ABHD14B: variants seen among roughly 807,000 people sequenced by gnomAD.
ABHD14B encodes the protein putative protein-lysine deacylase ABHD14B.
Under a neutral mutation model 15.4 loss-of-function variants are expected in ABHD14B, and 19 were observed. The ratio of observed to expected loss-of-function variants is 1.23; its 90% confidence interval spans 0.86 to 1.81. ABHD14B has a LOEUF of 1.81. ABHD14B is among the 40% of genes most tolerant of loss of function. The pLI is 0.00. For missense variants in ABHD14B, 243 were observed against 267.0 expected, an observed-to-expected ratio of 0.91 and a Z score of 0.63; for synonymous variants, 92 against 117.3, an observed-to-expected ratio of 0.78 and a Z score of 1.39.
intron 2 of ABHD14B, chr3:51,970,744 C>A: frequency 2.2e-6 from 1 of 456,842 alleles, no homozygotes; most frequent in Non-Finnish European, 4.4e-6. Context: ...GCCAACCCAC[C>A]ATTGGAATCA....
At chr3:51,970,852 C>T (rs1300984397) in intron 2 of ABHD14B, 4 of 454,812 alleles carry the variant, frequency 8.8e-6, no homozygotes, top group African/African-American at 8.0e-5. Flanking sequence ...TCACACCTGG[C>T]ACCGAGGGTT....
At chr3:51,971,393 T>C (rs1700650507) in intron 2 of ABHD14B, 67 bp downstream of exon 2, 1 of 1,441,752 alleles carries the variant, frequency 6.9e-7, no homozygotes, top group East Asian at 2.4e-5. Flanking sequence ...CTACATGTTA[T>C]AGGAACCTGG....
Position 51,970,085 on chromosome 3 carries a change from G to C in ABHD14B, c.311C>G (p.Pro104Arg), listed in dbSNP as rs751507728. The change falls in exon 3 of 4, where the codon CCC (proline) becomes CGC (arginine). Residue 104 changes from proline (P) to arginine (R), a missense_variant. Transcript: ENST00000361143. ...CAGTGATGGACTGATCACAACCGGG[G>C]GGCCCAGCTCCAAGGCATCCACCAC... ...AAVVDALELG[P>R]PVVISPSLSG... The C allele has an allele frequency of 6.2e-7, 1 of 1,606,154 alleles. No homozygotes were observed.
At chr3:51,971,222 C>T in intron 2 of ABHD14B, 1 of 507,246 alleles carries the variant, frequency 2.0e-6, no homozygotes, top group South Asian at 2.8e-5. Context: ...TGAGACAATG[C>T]CCAGGTAACA....
At chr3:51,970,331 A>C in intron 2 of ABHD14B, 147 bp from the exon 3 acceptor site, 1 of 1,061,886 alleles carries the variant, frequency 9.4e-7, no homozygotes, top group South Asian at 1.7e-5. Context: ...GTTTATTCCT[A>C]CAGTAGCCTC....
chr3:51,970,736 C>T (rs576519815), intron 2 of ABHD14B: 1 of 456,846 alleles, frequency 2.2e-6, no homozygotes, highest in East Asian at 6.9e-5. Context: ...AAGCTCAAGC[C>T]AACCCACCAT....
Position 51,971,627 on chromosome 3 carries a change from T to C in ABHD14B, c.44A>G (p.Gln15Arg). 2 of 1,612,938 alleles carry C rather than the reference T, an allele frequency of 1.2e-6. No homozygotes were observed. The highest frequency in any genetic ancestry group is 1.7e-5 in the Admixed American group (1 of 59,990). ...VEQREGTIQV[Q>R]GQALFFREAL... Reference sequence around the variant, plus strand: ...CTCTCGGAAGAAGAGGGCCTGGCCCTGCACCTGGATGGTGCCCTCGCGCTG... The same window carrying C: ...CTCTCGGAAGAAGAGGGCCTGGCCCCGCACCTGGATGGTGCCCTCGCGCTG... The change falls in exon 2 of 4, where the codon CAG becomes CGG. Residue 15 changes from glutamine to arginine, a missense_variant. Physicochemically the swap from Gln to Arg is conservative, Grantham distance 43. Coordinates refer to ENST00000361143, the MANE Select transcript of ABHD14B (RefSeq NM_001146314.2).
chr3:51,971,223 C>T (rs938678408), intron 2 of ABHD14B: 1 of 508,842 alleles, frequency 2.0e-6, no homozygotes, highest in African/African-American at 1.9e-5. Context: ...GAGACAATGC[C>T]CAGGTAACAG....
chr3:51,970,081 C>CG lies in ABHD14B; in HGVS notation c.314dup (p.Val106GlyfsTer35), dbSNP rs373373105. 14,482 of 1,606,418 alleles carry CG rather than the reference C, an allele frequency of 9.0e-3. 72 individuals carry two copies. Among genetic ancestry groups the CG allele is most frequent in the Non-Finnish European group, 0.011 (12,904 of 1,175,334 alleles). ...CACTCAGTGATGGACTGATCACAAC[C>CG]GGGGGGCCCAGCTCCAAGGCATCCA... is the stretch of plus-strand genomic sequence containing the variant. On this transcript the variant is annotated frameshift_variant, in exon 3 of 4. Transcript: ENST00000361143. LOFTEE classifies it high-confidence loss of function.
intron 1 of ABHD14B, among the ~76,000 whole-genome samples, chr3:51,972,638 G>A (rs1559772325): frequency 6.6e-6 from 1 of 152,098 alleles, no homozygotes. Context: ...ATATGTGGTG[G>A]GGCTCCATTA....
At chr3:51,969,782 T>C in intron 3 of ABHD14B, 161 bp downstream of exon 3, 2 of 1,448,506 alleles carry the variant, frequency 1.4e-6, no homozygotes, top group Non-Finnish European at 1.9e-6. Context: ...AGCACAGGGC[T>C]TGGCACAGTA....
chr3:51,970,915 C>T (rs1700641055), intron 2 of ABHD14B: 2 of 443,398 alleles, frequency 4.5e-6, no homozygotes, highest in East Asian at 7.0e-5. Context: ...ATCCCATCTA[C>T]CCTAGAACCC....
intron 2 of ABHD14B, chr3:51,970,925 C>T: frequency 2.3e-6 from 1 of 430,202 alleles, no homozygotes. Flanking sequence ...CCCTAGAACC[C>T]AGCTCAGGGC....
chr3:51,969,939 G>C lies in ABHD14B; in HGVS notation c.453+4C>G. ...GGGCACCTCAGCTTCCCACACAAGG[G>C]TACCTTCACACTGGCATAGTTGGCA... On this transcript the variant is annotated splice_donor_region_variant and intron_variant, in intron 3 of 3. Transcript: ENST00000361143. 1 of 1,614,176 alleles carries C rather than the reference G, an allele frequency of 6.2e-7. No homozygotes were observed. Among genetic ancestry groups the C allele is most frequent in the Non-Finnish European group, 8.5e-7 (1 of 1,180,022 alleles).
intron 2 of ABHD14B, chr3:51,970,688 G>A (rs1700637474): frequency 2.2e-6 from 1 of 457,206 alleles, no homozygotes; most frequent in Admixed American, 2.3e-5. Flanking sequence ...CAGTCATTCA[G>A]GCTTCACCAA....
At chr3:51,970,800 C>G (rs779237682) in intron 2 of ABHD14B, 2 of 456,220 alleles carry the variant, frequency 4.4e-6, no homozygotes, top group Non-Finnish European at 8.8e-6. Context: ...GAAACCATAC[C>G]ATCCCTGGCC....
At chr3:51,970,800 C>T (rs779237682) in intron 2 of ABHD14B, 1 of 456,338 alleles carries the variant, frequency 2.2e-6, no homozygotes, top group South Asian at 1.5e-5. Context: ...GAAACCATAC[C>T]ATCCCTGGCC....
At chr3:51,970,311 G>T in intron 2 of ABHD14B, 127 bp from the exon 3 acceptor site, 1 of 1,251,806 alleles carries the variant, frequency 8.0e-7, no homozygotes, top group Non-Finnish European at 1.1e-6. Flanking sequence ...GTAACACCCA[G>T]TGTGCCCACG....
At chr3:51,973,044 ATTTTT>A (rs35772258) in intron 1 of ABHD14B, among the ~76,000 whole-genome samples, 1 of 132,314 alleles carries the variant, frequency 7.6e-6, no homozygotes. Flanking sequence ...TGCCTGGCTA[ATTTTT>A]TTTTTTTTTT....
Sources: gnomAD v4.1 joint callset for allele counts (sites outside exome capture counted in the v4.1 genomes callset) on GRCh38, gnomAD v4.1.1 for gene constraint, MANE v1.5 for transcripts, NCBI Gene and HGNC (gene_info 2026-07-23, HGNC 2026-07-21) for gene names.